The following VPS13B variants were observed in gnomAD, a reference collection of about 807,000 sequenced individuals.
VPS13B encodes the protein vacuolar protein sorting 13 homolog B, also known as intermembrane lipid transfer protein VPS13B.
VPS13B carries 285 observed loss-of-function variants against 426.4 expected under a neutral mutation model. The ratio of observed to expected loss-of-function variants is 0.67; its 90% CI spans 0.61 to 0.74. VPS13B has a LOEUF of 0.74. Among genes scored for constraint, VPS13B ranks in the 30% least tolerant of loss-of-function variants. The pLI, the probability that VPS13B is intolerant of heterozygous loss-of-function variation, is 0.00. For synonymous variants in VPS13B, 1,676 were observed against 1,676.4 expected (o/e 1.00, Z 0.01); for missense variants, 4,537 against 4,782.6 (o/e 0.95, Z 1.51).
rs141146230 is a variant in VPS13B at position 99,449,682 on chromosome 8, G to T, written c.3445+7047G>T. Among the ~76,000 whole-genome samples the T allele has an allele frequency of 4.6e-4, 70 of 152,166 alleles. 2 individuals are homozygous for T. The highest frequency in any genetic ancestry group is 4.6e-3 in the Admixed American group (70 of 15,272). On this transcript the variant is annotated intron_variant, in intron 23 of 61. Coordinates refer to ENST00000357162, the MANE Select transcript of VPS13B (RefSeq NM_152564.5). ...AGGCACTAGTCTTATGGCTTAAGAC[G>T]TAAGATTGGATCATGTATAAATGAT... is the stretch of plus-strand genomic sequence containing the variant.
chr8:99,492,816 C>T (rs757173070), intron 25 of VPS13B, among the ~76,000 whole-genome samples: 40 of 152,132 alleles, frequency 2.6e-4, no homozygotes, highest in South Asian at 4.2e-4. Context: ...CAACCCCTTG[C>T]GCTTACCAGG....
chr8:99,586,763 G>C (rs1826319009), intron 33 of VPS13B, among the ~76,000 whole-genome samples: 1 of 152,086 alleles, frequency 6.6e-6, no homozygotes, highest in African/African-American at 2.4e-5. Flanking sequence ...ACTGTCCAAA[G>C]TAATTAATAG....
intron 3 of VPS13B, among the ~76,000 whole-genome samples, chr8:99,087,433 G>A (rs535499704): frequency 1.8e-4 from 27 of 152,002 alleles, no homozygotes; most frequent in African/African-American, 6.5e-4. Context: ...ACCCTGCTTC[G>A]GCCCACGCTT....
At chr8:99,356,509 A>G (rs1191116707) in intron 19 of VPS13B, among the ~76,000 whole-genome samples, 3 of 152,068 alleles carry the variant, frequency 2.0e-5, no homozygotes, top group South Asian at 2.1e-4. Context: ...TTAGCTGGGC[A>G]TGGTGACACA....
Position 99,235,486 on chromosome 8 carries a change from A to G in VPS13B, c.2516-38712A>G, listed in dbSNP as rs574999224. On this transcript the variant is annotated intron_variant, in intron 17 of 61. Transcript: ENST00000357162. ...CCTTTTCTGTGTGCCTATCATATTT[A>G]TTAATTTACCCAAATTATACAGAAT... is the stretch of plus-strand genomic sequence containing the variant. Among the ~76,000 whole-genome samples the G allele has an allele frequency of 9.8e-5, 15 of 152,314 alleles. No homozygotes were observed. In the South Asian group the frequency reaches 1.5e-3, roughly 15 times the overall value.
At chr8:99,593,629 T>A (rs937255333) in intron 33 of VPS13B, among the ~76,000 whole-genome samples, 1 of 151,882 alleles carries the variant, frequency 6.6e-6, no homozygotes, top group African/African-American at 2.4e-5. Flanking sequence ...GCAGCACTAT[T>A]CACAATAGCA....
intron 55 of VPS13B, among the ~76,000 whole-genome samples, chr8:99,853,145 A>G (rs1816378166): frequency 6.6e-6 from 1 of 152,130 alleles, no homozygotes. Flanking sequence ...TGTGATCATC[A>G]TGATAGAGAA....
chr8:99,544,303 G>A lies in VPS13B; in HGVS notation c.4746-12147G>A, dbSNP rs190694001. Among the ~76,000 whole-genome samples, 153 of 152,186 alleles carry A rather than the reference G, an allele frequency of 1.0e-3. 3 individuals are homozygous for A. In the East Asian group the frequency reaches 0.024, roughly 23 times the overall value. On this transcript the variant is annotated intron_variant, in intron 30 of 61. Transcript: ENST00000357162. ...ACAGGGTGGGGAACATCACACAGCA[G>A]GGCCTGTTGTGGGGTGGGGGTCAGG...
chr8:99,715,092 C>CTT (rs201865475), intron 36 of VPS13B, among the ~76,000 whole-genome samples: 5 of 141,958 alleles, frequency 3.5e-5, no homozygotes, highest in Non-Finnish European at 7.8e-5. Context: ...AAATAGAAAG[C>CTT]TTTTTTTTTT....
chr8:99,539,912 T>C (rs547509838), intron 30 of VPS13B, among the ~76,000 whole-genome samples: 188 of 145,784 alleles, frequency 1.3e-3, no homozygotes, highest in African/African-American at 3.6e-3. Context: ...TTTATATATA[T>C]ATATACACAC....
intron 40 of VPS13B, among the ~76,000 whole-genome samples, chr8:99,769,352 C>G (rs1403335750): frequency 1.3e-5 from 2 of 152,126 alleles, no homozygotes; most frequent in Non-Finnish European, 1.5e-5. Flanking sequence ...AGAAAGAAAA[C>G]AGTAATGATT....
At chr8:99,357,041 A>G (rs1588287279) in intron 19 of VPS13B, among the ~76,000 whole-genome samples, 1 of 152,212 alleles carries the variant, frequency 6.6e-6, no homozygotes, top group East Asian at 1.9e-4. Context: ...ACCCTGAAAA[A>G]ATAAAGCTAA....
At chr8:99,354,034 G>T (rs1031137543) in intron 19 of VPS13B, among the ~76,000 whole-genome samples, 1 of 151,892 alleles carries the variant, frequency 6.6e-6, no homozygotes, top group African/African-American at 2.4e-5. Flanking sequence ...TACCCTTCTT[G>T]TTATAAGAAA....
chr8:99,516,787 CAAAAAA>C (rs528490868), intron 29 of VPS13B, among the ~76,000 whole-genome samples: 1 of 16,686 alleles, frequency 6.0e-5, no homozygotes, highest in Non-Finnish European at 1.0e-4. Context: ...GACCGTGTCT[CAAAAAA>C]AAAAAAAAAA....
intron 36 of VPS13B, among the ~76,000 whole-genome samples, chr8:99,705,171 G>A (rs1832448909): frequency 1.3e-5 from 2 of 152,022 alleles, no homozygotes; most frequent in Admixed American, 6.6e-5. Context: ...ATTACCTGTA[G>A]ATTACTGATA....
chr8:99,776,022 C>A (rs998512346), intron 40 of VPS13B, among the ~76,000 whole-genome samples: 4 of 152,178 alleles, frequency 2.6e-5, no homozygotes, highest in Non-Finnish European at 4.4e-5. Context: ...ATGGTCATAA[C>A]TTTTATGGCA....
chr8:99,259,561 C>A (rs1282966344), intron 17 of VPS13B, among the ~76,000 whole-genome samples: 1 of 152,088 alleles, frequency 6.6e-6, no homozygotes, highest in African/African-American at 2.4e-5. Context: ...TTTCAAAAAT[C>A]TGTTTCACTC....
At chr8:99,719,757 T>C (rs1833063287) in intron 37 of VPS13B, among the ~76,000 whole-genome samples, 2 of 152,196 alleles carry the variant, frequency 1.3e-5, no homozygotes, top group Admixed American at 6.5e-5. Context: ...GTCCTTTTGT[T>C]CTGAAACTCT....
chr8:99,261,033 C>A (rs1054307531), intron 17 of VPS13B, among the ~76,000 whole-genome samples: 1 of 151,886 alleles, frequency 6.6e-6, no homozygotes, highest in Non-Finnish European at 1.5e-5. Context: ...TATACCCCCA[C>A]CCCAAAACAT....
Sources: gnomAD v4.1 joint callset for allele counts (sites outside exome capture counted in the v4.1 genomes callset) on GRCh38, gnomAD v4.1.1 for gene constraint, MANE v1.5 for transcripts, NCBI Gene and HGNC (gene_info 2026-07-23, HGNC 2026-07-21) for gene names.